Variants in PTPRT observed in about 807,000 individuals in gnomAD.
The protein encoded by PTPRT is protein tyrosine phosphatase receptor type T, also known as receptor-type tyrosine-protein phosphatase T.
In PTPRT, 56 loss-of-function variants were observed where a neutral mutation model predicts 176.8. That is an observed-to-expected ratio of 0.32 (90% confidence interval 0.26 to 0.40). The LOEUF is 0.40. PTPRT is among the 10% of genes least tolerant of loss of function. The pLI, the probability that PTPRT is intolerant of heterozygous loss-of-function variation, is 1.00. For synonymous variants in PTPRT, 783 were observed against 739.0 expected (o/e 1.06, Z -0.96); for missense variants, 1,540 against 1,908.2 (o/e 0.81, Z 3.60).
chr20:42,386,218 C>G (rs1429759203), intron 9 of PTPRT, among the ~76,000 whole-genome samples: 1 of 151,982 alleles, frequency 6.6e-6, no homozygotes, highest in African/African-American at 2.4e-5. Flanking sequence ...GAGAGGTGAG[C>G]CAAAATCCCA....
chr20:42,451,114 C>T (rs797007672), intron 8 of PTPRT, among the ~76,000 whole-genome samples: 3 of 152,010 alleles, frequency 2.0e-5, no homozygotes, highest in African/African-American at 4.8e-5. Flanking sequence ...TTGTCATCCT[C>T]GGGAGAAAGA....
chr20:42,048,968 C>T, the PTPRT span, among the ~76,000 whole-genome samples: 83 of 152,206 alleles, frequency 5.5e-4, no homozygotes, highest in African/African-American at 1.9e-3. Flanking sequence ...ATTACAGATG[C>T]CCGCCACCAC....
intron 1 of PTPRT, among the ~76,000 whole-genome samples, chr20:43,185,944 G>A (rs1020535511): frequency 1.3e-5 from 2 of 150,258 alleles, no homozygotes; most frequent in Non-Finnish European, 3.0e-5. Context: ...AAAAAAAAAG[G>A]AAACTAAAAA....
intron 15 of PTPRT, among the ~76,000 whole-genome samples, chr20:42,218,589 C>T (rs2055820840): frequency 6.6e-6 from 1 of 152,166 alleles, no homozygotes; most frequent in South Asian, 2.1e-4. Context: ...TGACCCCAGG[C>T]CCCTCTCCTT....
intron 1 of PTPRT, among the ~76,000 whole-genome samples, chr20:42,939,885 GATAA>G (rs1483886272): frequency 6.6e-6 from 1 of 152,062 alleles, no homozygotes; most frequent in African/African-American, 2.4e-5. Context: ...CTAATAAATA[GATAA>G]ATAGATATAA....
intron 6 of PTPRT, among the ~76,000 whole-genome samples, chr20:42,735,975 T>G (rs6065528): frequency 0.012 from 1,853 of 152,116 alleles, 11 homozygotes; most frequent in Non-Finnish European, 0.02. Flanking sequence ...CATAATAATT[T>G]TGGGATATTT....
intron 5 of PTPRT, among the ~76,000 whole-genome samples, chr20:42,760,343 T>C (rs1023039793): frequency 6.6e-6 from 1 of 151,166 alleles, no homozygotes; most frequent in African/African-American, 2.4e-5. Context: ...AATGAGCTAC[T>C]GCCTTGAGAT....
At chr20:42,953,286 T>C (rs1379664900) in intron 1 of PTPRT, among the ~76,000 whole-genome samples, 1 of 152,054 alleles carries the variant, frequency 6.6e-6, no homozygotes. Flanking sequence ...AGCAGGTGCA[T>C]AGTGAGGCAG....
rs180979580 is a variant in PTPRT, at chr20:43,166,072, C to A, written c.88+23574G>T. Among the ~76,000 whole-genome samples the A allele has an allele frequency of 1.6e-3, 247 of 152,230 alleles. 3 individuals are homozygous for A. The East Asian group carries it at 0.044, about 27-fold the overall frequency. The stretch of plus-strand genomic sequence containing the variant: ...GGGCATGGTGGCACGCACCTGTAAT[C>A]CCAGCACTTTGGGAGGCCAAGGCAG... On this transcript the variant is annotated intron_variant, in intron 1 of 30. Coordinates refer to ENST00000373187, the MANE Select transcript of PTPRT (RefSeq NM_007050.6).
chr20:42,577,668 C>G (rs1000943082), intron 7 of PTPRT, among the ~76,000 whole-genome samples: 1 of 152,132 alleles, frequency 6.6e-6, no homozygotes, highest in African/African-American at 2.4e-5. Flanking sequence ...AGTTCGGCCA[C>G]CACAGAGGGT....
At chr20:42,202,873 A>G (rs975218479) in intron 15 of PTPRT, among the ~76,000 whole-genome samples, 1 of 152,218 alleles carries the variant, frequency 6.6e-6, no homozygotes, top group East Asian at 1.9e-4. Flanking sequence ...CAAAGGAATC[A>G]TAATAATAAT....
At chr20:42,824,667 G>T (rs2077962211) in intron 2 of PTPRT, among the ~76,000 whole-genome samples, 1 of 151,580 alleles carries the variant, frequency 6.6e-6, no homozygotes, top group African/African-American at 2.4e-5. Flanking sequence ...ACATGAAGAA[G>T]AATAAAAAAT....
intron 6 of PTPRT, among the ~76,000 whole-genome samples, chr20:42,690,916 T>C (rs1197473274): frequency 6.6e-6 from 1 of 152,168 alleles, no homozygotes; most frequent in Non-Finnish European, 1.5e-5. Flanking sequence ...TGACAGGCCC[T>C]ACATAAACGT....
At chr20:42,922,204 G>A (rs1028900062) in intron 1 of PTPRT, among the ~76,000 whole-genome samples, 3 of 152,134 alleles carry the variant, frequency 2.0e-5, no homozygotes, top group African/African-American at 7.2e-5. Context: ...AAAGTACTGA[G>A]ACTACAGTTG....
chr20:42,465,509 A>G (rs1367664961), intron 8 of PTPRT, among the ~76,000 whole-genome samples: 1 of 152,214 alleles, frequency 6.6e-6, no homozygotes, highest in Non-Finnish European at 1.5e-5. Flanking sequence ...GTAGTAACTG[A>G]TATGAAGTGA....
chr20:43,120,720 C>T (rs1196341528), intron 1 of PTPRT, among the ~76,000 whole-genome samples: 1 of 152,214 alleles, frequency 6.6e-6, no homozygotes, highest in Non-Finnish European at 1.5e-5. Context: ...GTCAAGTCTA[C>T]ATGAAAACGA....
intron 9 of PTPRT, among the ~76,000 whole-genome samples, chr20:42,438,031 T>A (rs11700137): frequency 0.62 from 93,791 of 151,910 alleles, 29,489 homozygotes; most frequent in East Asian, 0.72. Flanking sequence ...CTGGGCACAG[T>A]TTATTGAAAG....
chr20:42,069,818 T>G (rs908414843), downstream of PTPRT, among the ~76,000 whole-genome samples: 2 of 152,040 alleles, frequency 1.3e-5, no homozygotes, highest in Admixed American at 1.3e-4. Flanking sequence ...TTCAATAGAG[T>G]GGGAGAACTG....
At chr20:42,836,751 C>G (rs6030513) in intron 2 of PTPRT, among the ~76,000 whole-genome samples, 1 of 152,174 alleles carries the variant, frequency 6.6e-6, no homozygotes, top group Non-Finnish European at 1.5e-5. Context: ...ACAACAAGGC[C>G]TACTTTCTAT....
Sources: gnomAD v4.1 joint callset for allele counts (sites outside exome capture counted in the v4.1 genomes callset) on GRCh38, gnomAD v4.1.1 for gene constraint, MANE v1.5 for transcripts, NCBI Gene and HGNC (gene_info 2026-07-23, HGNC 2026-07-21) for gene names.